ROBO2: variants seen among roughly 807,000 people sequenced by gnomAD.
ROBO2 encodes the protein roundabout homolog 2.
ROBO2 carries 53 observed loss-of-function variants against 160.8 expected under a neutral mutation model. The ratio of observed to expected loss-of-function variants is 0.33; its 90% CI spans 0.26 to 0.41. The LOEUF (loss-of-function observed/expected upper bound fraction) is 0.41. Ranked by LOEUF, ROBO2 falls within the 10% of genes least tolerant of loss-of-function variation. The pLI, the probability that ROBO2 is intolerant of heterozygous loss-of-function variation, is 1.00. For missense variants in ROBO2, 1,577 were observed against 1,722.4 expected (o/e 0.92, Z 1.49); for synonymous variants, 664 against 611.7 (o/e 1.09, Z -1.26).
intron 2 of ROBO2, among the ~76,000 whole-genome samples, chr3:76,885,392 A>G (rs2073774954): frequency 6.6e-6 from 1 of 152,212 alleles, no homozygotes; most frequent in Non-Finnish European, 1.5e-5. Flanking sequence ...GACAGAACAC[A>G]TATTTATTAA....
chr3:77,366,893 A>ACCCC (rs145545683), intron 2 of ROBO2, among the ~76,000 whole-genome samples: 3,913 of 141,212 alleles, frequency 0.028, 93 homozygotes, highest in Middle Eastern at 0.069. Context: ...CTCTCACAGC[A>ACCCC]CCCCCCCGAC....
At chr3:77,275,493 C>T (rs2059768013) in intron 2 of ROBO2, among the ~76,000 whole-genome samples, 1 of 152,130 alleles carries the variant, frequency 6.6e-6, no homozygotes, top group South Asian at 2.1e-4. Context: ...TTTCTCTCCC[C>T]AGTATGGTTA....
chr3:77,325,370 T>C (rs1018229198), intron 2 of ROBO2, among the ~76,000 whole-genome samples: 1 of 152,198 alleles, frequency 6.6e-6, no homozygotes, highest in Non-Finnish European at 1.5e-5. Flanking sequence ...AATGTTACCT[T>C]ATAGAACGTT....
intron 2 of ROBO2, among the ~76,000 whole-genome samples, chr3:76,966,160 G>C (rs1317573493): frequency 6.6e-6 from 1 of 151,936 alleles, no homozygotes; most frequent in Non-Finnish European, 1.5e-5. Context: ...AGCCTCAGGT[G>C]ATACACCCAC....
intron 2 of ROBO2, among the ~76,000 whole-genome samples, chr3:76,104,555 T>C (rs187152406): frequency 2.6e-5 from 4 of 152,314 alleles, no homozygotes; most frequent in African/African-American, 7.2e-5. Flanking sequence ...TTCATAGCCA[T>C]AAAATGATGG....
At position 77,596,851 on chromosome 3, in the gene ROBO2, T is replaced by C. The variant is rs2094316974; in HGVS notation, c.2854+101T>C. The C allele has an allele frequency of 4.4e-6, 6 of 1,348,938 alleles. No homozygotes were observed. In the South Asian group the frequency reaches 6.2e-5, roughly 14 times the overall value. 83.6% of individuals were successfully genotyped at this position (1,348,938 alleles called of 1,614,324 possible). ...TTAAAGAAACATATCAGAGAGTATT[T>C]ACTCCCATAATTAAAATCAATGAAA... On this transcript the variant is annotated intron_variant, in intron 19 of 25. Coordinates refer to ENST00000461745, the Ensembl canonical transcript of ROBO2.
At chr3:76,152,432 G>A (rs1439245570) in intron 2 of ROBO2, among the ~76,000 whole-genome samples, 1 of 152,110 alleles carries the variant, frequency 6.6e-6, no homozygotes, top group Non-Finnish European at 1.5e-5. Context: ...TGGAATATTT[G>A]ATATGAACTA....
chr3:76,539,820 AGAT>A (rs1438129003), intron 2 of ROBO2, among the ~76,000 whole-genome samples: 3 of 152,214 alleles, frequency 2.0e-5, no homozygotes, highest in South Asian at 4.1e-4. Context: ...GTGATCCAGA[AGAT>A]GATAAGAGAA....
At chr3:76,375,552 G>C (rs2076301732) in intron 2 of ROBO2, among the ~76,000 whole-genome samples, 1 of 152,004 alleles carries the variant, frequency 6.6e-6, no homozygotes. Flanking sequence ...CTACAGCTAA[G>C]TTGTTGATGA....
At chr3:77,546,352 G>A in exon 7 of ROBO2, 1 of 1,613,030 alleles carries the variant, frequency 6.2e-7, no homozygotes. Flanking sequence ...CCCACAGTTT[G>A]TGGTTCGGCC....
At position 77,619,709 on chromosome 3, in the gene ROBO2, C is replaced by T. The variant is rs144322793; in HGVS notation, c.3554+1936C>T. On this transcript the variant is annotated intron_variant, in intron 22 of 25. Coordinates refer to ENST00000461745, the Ensembl canonical transcript of ROBO2. ...TGACACCATGCAACTCCAAGCCCCC[C>T]CATAATCATATTGCGATGCTTTTTG... Among the ~76,000 whole-genome samples the T allele has an allele frequency of 3.2e-3, 489 of 152,260 alleles. 4 individuals are homozygous for T. Among genetic ancestry groups the T allele is most frequent in the African/African-American group, 9.9e-3 (413 of 41,554 alleles).
chr3:76,191,667 A>T (rs1423295918), intron 2 of ROBO2, among the ~76,000 whole-genome samples: 2 of 152,128 alleles, frequency 1.3e-5, no homozygotes, highest in East Asian at 3.9e-4. Flanking sequence ...CCTATTCTCT[A>T]CAAGCGGTTT....
chr3:76,127,844 C>T (rs550187477), intron 2 of ROBO2, among the ~76,000 whole-genome samples: 1 of 148,904 alleles, frequency 6.7e-6, no homozygotes, highest in African/African-American at 2.5e-5. Context: ...TTGAAAAATA[C>T]ATAAGGTAAA....
intron 2 of ROBO2, among the ~76,000 whole-genome samples, chr3:76,073,866 A>G (rs2068556728): frequency 6.6e-6 from 1 of 152,166 alleles, no homozygotes; most frequent in Admixed American, 6.5e-5. Context: ...TTCCCTTTTA[A>G]AAACCTTTCT....
chr3:76,509,964 C>T (rs778104886), intron 2 of ROBO2, among the ~76,000 whole-genome samples: 14 of 152,022 alleles, frequency 9.2e-5, no homozygotes, highest in Non-Finnish European at 1.6e-4. Context: ...TCAATGTCCC[C>T]AAGGCGAATA....
At chr3:76,573,861 G>C (rs924852008) in intron 2 of ROBO2, among the ~76,000 whole-genome samples, 1 of 152,022 alleles carries the variant, frequency 6.6e-6, no homozygotes, top group Non-Finnish European at 1.5e-5. Flanking sequence ...ATGTTCTTGA[G>C]TAACATTTCG....
Position 76,812,909 on chromosome 3 carries a change from A to ATTTTTTTTTT in ROBO2, c.110-285088_110-285079dup, listed in dbSNP as rs71104626. On this transcript the variant is annotated intron_variant, in intron 2 of 26. Coordinates refer to the ROBO2 transcript ENST00000487694. ...AAAGTGTCCTGGCACAGAAGTATAAATTTTTTTTTTTTTTTTTTTTTTTTT... is the reference window on the plus strand; with the variant it reads ...AAAGTGTCCTGGCACAGAAGTATAAATTTTTTTTTTTTTTTTTTTTTTTTTTTTTTTTTTT... Among the ~76,000 whole-genome samples the ATTTTTTTTTT allele has an allele frequency of 1.8e-3, 185 of 104,646 alleles. 3 individuals carry two copies. The highest frequency in any genetic ancestry group is 2.2e-3 in the East Asian group (7 of 3,148). The allele number at this position is 104,646 out of a possible 152,430, so 68.7% of individuals were successfully genotyped here. A position where few individuals can be genotyped will look rare whatever the true frequency, so the allele number is the denominator to read the frequency against.
chr3:76,757,941 A>G (rs907110483), intron 2 of ROBO2, among the ~76,000 whole-genome samples: 5 of 151,760 alleles, frequency 3.3e-5, no homozygotes, highest in Non-Finnish European at 7.4e-5. Flanking sequence ...CAATAAGGTG[A>G]CTTTAAGGGA....
intron 2 of ROBO2, among the ~76,000 whole-genome samples, chr3:77,252,831 A>AAAAAAAAAAAAAAAAAAT: frequency 1.6e-4 from 2 of 12,524 alleles, no homozygotes; most frequent in Non-Finnish European, 2.1e-4. Context: ...AAAAAAAAAA[A>AAAAAAAAAAAAAAAAAAT]ATATATATAT....
Sources: gnomAD v4.1 joint callset for allele counts (sites outside exome capture counted in the v4.1 genomes callset) on GRCh38, gnomAD v4.1.1 for gene constraint, MANE v1.5 for transcripts, NCBI Gene and HGNC (gene_info 2026-07-23, HGNC 2026-07-21) for gene names.